Variants in ZNF582 observed in about 807,000 individuals in gnomAD.
ZNF582 encodes the protein zinc finger protein 582.
In ZNF582, 14 loss-of-function variants were observed where a neutral mutation model predicts 12.3. The ratio of observed to expected loss-of-function variants is 1.14; its 90% CI spans 0.75 to 1.78. The LOEUF is 1.78. Among genes scored for constraint, ZNF582 ranks in the 40% most tolerant of loss-of-function variants. ZNF582 has a pLI of 0.00. For synonymous variants in ZNF582, 210 were observed against 207.2 expected (o/e 1.01, Z -0.11); for missense variants, 567 against 616.5 (o/e 0.92, Z 0.85).
At chr19:56,389,907 C>A in intron 4 of ZNF582, 94 bp downstream of exon 4, 4 of 960,272 alleles carry the variant, frequency 4.2e-6, no homozygotes, top group Non-Finnish European at 6.5e-6. Flanking sequence ...TTGAAGGTAG[C>A]AACCTGCAGG....
rs373038916 is a variant in ZNF582 at position 56,389,496 on chromosome 19, G to A, written c.232+505C>T. On this transcript the variant is annotated intron_variant, in intron 4 of 4. Coordinates refer to ENST00000586929, the Ensembl canonical transcript of ZNF582. ...ATGAGGACACATGGACACACAGAGC[G>A]GGACAACACACATGGGCCTTTCAGA... Among the ~76,000 whole-genome samples the A allele has an allele frequency of 5.1e-4, 78 of 152,162 alleles. 1 individual carries two copies. The South Asian group carries it at 0.012, about 23-fold the overall frequency.
At chr19:56,393,052 G>A (rs530425613) in intron 1 of ZNF582, among the ~76,000 whole-genome samples, 168 bp downstream of exon 1, 1 of 151,722 alleles carries the variant, frequency 6.6e-6, no homozygotes, top group African/African-American at 2.4e-5. Flanking sequence ...ATGTTCCCAA[G>A]TATAAGTTTT....
chr19:56,389,042 C>A (rs1194773337), intron 4 of ZNF582, among the ~76,000 whole-genome samples: 1 of 152,222 alleles, frequency 6.6e-6, no homozygotes, highest in Non-Finnish European at 1.5e-5. Context: ...ACTGGTATTC[C>A]CCAGCTACAT....
exon 1 of ZNF582, chr19:56,393,282 C>A: frequency 8.1e-7 from 1 of 1,242,084 alleles, no homozygotes; most frequent in Non-Finnish European, 1.0e-6. Context: ...AGAAAGCGCA[C>A]GCCGCGAGGG....
At chr19:56,390,385 C>G (rs757383478) in exon 3 of ZNF582, 1 of 1,614,180 alleles carries the variant, frequency 6.2e-7, no homozygotes, top group Admixed American at 1.7e-5. Flanking sequence ...CCAGTGAGAC[C>G]AGGTTGCTGT....
chr19:56,389,676 A>T (rs1026823673), intron 4 of ZNF582, among the ~76,000 whole-genome samples: 4 of 152,276 alleles, frequency 2.6e-5, no homozygotes, highest in South Asian at 2.1e-4. Flanking sequence ...GTTAAAAAAA[A>T]TTTTAAATAT....
exon 5 of ZNF582, chr19:56,384,403 G>A: frequency 6.2e-7 from 1 of 1,602,616 alleles, no homozygotes; most frequent in South Asian, 1.1e-5. Context: ...TACATTCATA[G>A]AGTTTCCTGC....
chr19:56,387,899 T>C (rs998599251), intron 4 of ZNF582, among the ~76,000 whole-genome samples: 1 of 152,272 alleles, frequency 6.6e-6, no homozygotes. Flanking sequence ...ATAAAATTGT[T>C]TTATTCTTAG....
At chr19:56,384,562 A>G (rs768011976) in exon 5 of ZNF582, 6 of 1,614,162 alleles carry the variant, frequency 3.7e-6, no homozygotes, top group Admixed American at 1.7e-5. Flanking sequence ...CACATTCCTT[A>G]CACTGATAGG....
intron 4 of ZNF582, among the ~76,000 whole-genome samples, chr19:56,388,003 T>C (rs745436539): frequency 5.9e-5 from 9 of 152,242 alleles, no homozygotes; most frequent in Non-Finnish European, 1.3e-4. Flanking sequence ...GAGCTGATAC[T>C]TTTTGGTTCA....
chr19:56,384,353 A>G (rs139899878), exon 5 of ZNF582: 153 of 1,613,244 alleles, frequency 9.5e-5, no homozygotes, highest in African/African-American at 6.7e-4. Flanking sequence ...CTGATGTCGT[A>G]TAAGAGTTGA....
chr19:56,390,055 G>C (rs1210805779), exon 4 of ZNF582: 1 of 1,613,892 alleles, frequency 6.2e-7, no homozygotes, highest in Non-Finnish European at 8.5e-7. Context: ...TCTTTGCCTT[G>C]CTCTAGGAAG....
exon 5 of ZNF582, chr19:56,384,135 A>G (rs1296410611): frequency 1.9e-6 from 3 of 1,612,764 alleles, no homozygotes; most frequent in South Asian, 2.2e-5. Flanking sequence ...GCCTTCCCAC[A>G]TTCCTTACAT....
intron 3 of ZNF582, 115 bp from the exon 4 acceptor site, chr19:56,390,211 G>T: frequency 7.4e-7 from 1 of 1,345,240 alleles, no homozygotes; most frequent in Non-Finnish European, 1.0e-6. Flanking sequence ...GAGGAAGATG[G>T]GACAGTTGCC....
chr19:56,384,153 G>A (rs2041942116), exon 5 of ZNF582: 1 of 1,612,318 alleles, frequency 6.2e-7, no homozygotes, highest in Non-Finnish European at 8.5e-7. Context: ...CATTCATATG[G>A]CTTTTCACCT....
exon 4 of ZNF582, chr19:56,390,003 G>A (rs1346427658): frequency 1.2e-6 from 2 of 1,613,508 alleles, no homozygotes; most frequent in African/African-American, 2.7e-5. Context: ...TCACTCACCT[G>A]GACACAGGCC....
exon 5 of ZNF582, chr19:56,383,773 G>T: frequency 7.1e-7 from 1 of 1,416,760 alleles, no homozygotes; most frequent in South Asian, 1.6e-5. Flanking sequence ...TTAGGATAAA[G>T]GCTTACCTCT....
At chr19:56,385,205 A>T in intron 4 of ZNF582, 21 bp from the exon 5 acceptor site, 1 of 1,547,550 alleles carries the variant, frequency 6.5e-7, no homozygotes, top group South Asian at 1.2e-5. Flanking sequence ...AAAAAAGCGA[A>T]TATGTTTGGC....
chr19:56,392,397 A>G (rs953849490), intron 1 of ZNF582, among the ~76,000 whole-genome samples: 1 of 152,262 alleles, frequency 6.6e-6, no homozygotes, highest in African/African-American at 2.4e-5. Flanking sequence ...AGGAACAGTA[A>G]GAGACAAATT....
Sources: allele counts gnomAD v4.1 joint callset (sites outside exome capture counted in the v4.1 genomes callset), GRCh38; gene constraint gnomAD v4.1.1; transcripts MANE v1.5; gene names NCBI Gene and HGNC (gene_info 2026-07-23, HGNC 2026-07-21).